The following DPYD variants were observed in gnomAD, a reference collection of about 807,000 sequenced individuals.
The protein encoded by DPYD is dihydropyrimidine dehydrogenase [NADP(+)].
A neutral mutation model predicts 116.2 loss-of-function variants in DPYD; 109 were observed. The ratio of observed to expected loss-of-function variants is 0.94; its 90% CI spans 0.80 to 1.10. The LOEUF (loss-of-function observed/expected upper bound fraction) is 1.10, where lower values mean the gene tolerates loss of function less well. Among genes scored for constraint, DPYD ranks in the 50% least tolerant of loss-of-function variants. DPYD has a pLI of 0.00. For synonymous variants in DPYD, 440 were observed against 432.0 expected, an observed-to-expected ratio of 1.02 and a Z score of -0.23; for missense variants, 1,302 against 1,254.5, an observed-to-expected ratio of 1.04 and a Z score of -0.57.
chr1:97,796,467 T>C (rs1183423092), intron 3 of DPYD, among the ~76,000 whole-genome samples: 1 of 152,106 alleles, frequency 6.6e-6, no homozygotes, highest in Non-Finnish European at 1.5e-5. Flanking sequence ...CTTTATATCT[T>C]TGATAGAAGT....
At chr1:97,597,957 A>T (rs539987127) in intron 8 of DPYD, among the ~76,000 whole-genome samples, 138 of 152,326 alleles carry the variant, frequency 9.1e-4, no homozygotes, top group Non-Finnish European at 1.4e-3. Context: ...GAGATTTTTT[A>T]AAAATGTTAA....
At chr1:97,403,490 C>T (rs1212632111) in intron 14 of DPYD, among the ~76,000 whole-genome samples, 1 of 151,966 alleles carries the variant, frequency 6.6e-6, no homozygotes, top group African/African-American at 2.4e-5. Context: ...GATTTGATTT[C>T]TTTAATAGAT....
intron 13 of DPYD, among the ~76,000 whole-genome samples, chr1:97,479,495 CA>C (rs978289247): frequency 2.0e-5 from 3 of 151,974 alleles, no homozygotes; most frequent in African/African-American, 7.3e-5. Context: ...TGTGGTGCTC[CA>C]AAGCAATTAC....
At chr1:97,764,682 G>GA (rs1665751679) in intron 3 of DPYD, among the ~76,000 whole-genome samples, 1 of 151,862 alleles carries the variant, frequency 6.6e-6, no homozygotes, top group South Asian at 2.1e-4. Flanking sequence ...TTTTTCCTAA[G>GA]AATAAACTTT....
intron 3 of DPYD, among the ~76,000 whole-genome samples, chr1:97,767,651 A>G (rs559527469): frequency 6.6e-6 from 1 of 152,230 alleles, no homozygotes; most frequent in Admixed American, 6.5e-5. Context: ...GAGTTCAGTC[A>G]AGATAAGCAG....
At chr1:97,707,724 G>A (rs1190803110) in intron 5 of DPYD, among the ~76,000 whole-genome samples, 4 of 151,726 alleles carry the variant, frequency 2.6e-5, no homozygotes, top group African/African-American at 7.3e-5. Context: ...GTGGTATCCC[G>A]TTGTTGTTTC....
chr1:97,097,466 A>C (rs1650348394), intron 21 of DPYD, among the ~76,000 whole-genome samples: 1 of 152,170 alleles, frequency 6.6e-6, no homozygotes, highest in African/African-American at 2.4e-5. Flanking sequence ...GAGATGTAGG[A>C]GTAGAGTGTC....
chr1:97,281,490 T>C (rs554477890), intron 18 of DPYD, among the ~76,000 whole-genome samples: 13 of 152,058 alleles, frequency 8.5e-5, no homozygotes, highest in African/African-American at 2.9e-4. Flanking sequence ...CTATAACTGA[T>C]AGAAGAAACT....
intron 16 of DPYD, among the ~76,000 whole-genome samples, chr1:97,309,991 G>A (rs1667404796): frequency 6.6e-6 from 1 of 151,634 alleles, no homozygotes; most frequent in Non-Finnish European, 1.5e-5. Flanking sequence ...CTGGTTTCAT[G>A]TCCTCTGCAA....
intron 16 of DPYD, chr1:97,323,098 AT>A (rs1302252551): frequency 1.3e-5 from 2 of 149,426 alleles, no homozygotes; most frequent in South Asian, 2.1e-4. Context: ...TTTTTTTACT[AT>A]TTTTTATATA....
chr1:97,155,533 G>A (rs1655383013), intron 20 of DPYD, among the ~76,000 whole-genome samples: 1 of 152,140 alleles, frequency 6.6e-6, no homozygotes, highest in Non-Finnish European at 1.5e-5. Context: ...CTAATACACT[G>A]AAAGCCTGAT....
chr1:97,215,918 T>A (rs951352731), intron 19 of DPYD, among the ~76,000 whole-genome samples: 11 of 152,214 alleles, frequency 7.2e-5, no homozygotes, highest in African/African-American at 2.7e-4. Context: ...TTTGTGTCAA[T>A]GGACAGAAGA....
At chr1:97,757,897 A>G (rs1665338113) in intron 3 of DPYD, among the ~76,000 whole-genome samples, 1 of 152,184 alleles carries the variant, frequency 6.6e-6, no homozygotes, top group South Asian at 2.1e-4. Flanking sequence ...TTTTCTACAT[A>G]GTGTTACCAA....
At chr1:97,181,370 G>A (rs1178385613) in intron 20 of DPYD, among the ~76,000 whole-genome samples, 1 of 152,078 alleles carries the variant, frequency 6.6e-6, no homozygotes, top group African/African-American at 2.4e-5. Context: ...GTTAAATTCA[G>A]ATGTTAACTT....
chr1:97,764,544 C>G (rs1024285370), intron 3 of DPYD, among the ~76,000 whole-genome samples: 1 of 151,940 alleles, frequency 6.6e-6, no homozygotes, highest in Non-Finnish European at 1.5e-5. Context: ...AAACTTTTAA[C>G]TTTATCACTT....
chr1:97,621,485 T>G (rs1656629755), intron 8 of DPYD, among the ~76,000 whole-genome samples: 1 of 152,130 alleles, frequency 6.6e-6, no homozygotes. Context: ...TATTAGCATT[T>G]TATTCAAAAA....
intron 14 of DPYD, among the ~76,000 whole-genome samples, chr1:97,426,378 C>T (rs1674866579): frequency 2.0e-5 from 3 of 152,104 alleles, no homozygotes; most frequent in Admixed American, 6.6e-5. Flanking sequence ...TAAATGCTGA[C>T]AGCAGACAAA....
At chr1:97,392,560 C>T (rs1672765800) in intron 14 of DPYD, among the ~76,000 whole-genome samples, 1 of 152,036 alleles carries the variant, frequency 6.6e-6, no homozygotes, top group Admixed American at 6.6e-5. Flanking sequence ...AGCATTTTAT[C>T]CACAGTAGAA....
chr1:97,410,193 C>T (rs1209654304), intron 14 of DPYD, among the ~76,000 whole-genome samples: 1 of 151,622 alleles, frequency 6.6e-6, no homozygotes, highest in East Asian at 2.0e-4. Context: ...TATTGTCTTT[C>T]TCTCTGCAGC....
Sources: gnomAD v4.1 joint callset for allele counts (sites outside exome capture counted in the v4.1 genomes callset) on GRCh38, gnomAD v4.1.1 for gene constraint, MANE v1.5 for transcripts, NCBI Gene and HGNC (gene_info 2026-07-23, HGNC 2026-07-21) for gene names.